The following TTYH1 variants were observed in gnomAD, a reference collection of about 807,000 sequenced individuals.
TTYH1 encodes protein tweety homolog 1.
A neutral mutation model predicts 61.2 loss-of-function variants in TTYH1; 33 were observed. The observed-to-expected ratio is 0.54, with a 90% CI of 0.41 to 0.72. The LOEUF is 0.72. Ranked by LOEUF, TTYH1 falls within the 30% of genes least tolerant of loss-of-function variation. The probability of loss-of-function intolerance (pLI) is 0.00; values close to 1 mark genes in which losing one functional copy is unlikely to be tolerated. For synonymous variants in TTYH1, 308 were observed against 266.4 expected, an observed-to-expected ratio of 1.16 and a Z score of -1.52; for missense variants, 538 against 575.8, an observed-to-expected ratio of 0.93 and a Z score of 0.67.
intron 4 of TTYH1, among the ~76,000 whole-genome samples, chr19:54,425,510 GCT>G (rs951316929): frequency 3.3e-5 from 5 of 152,124 alleles, no homozygotes; most frequent in Non-Finnish European, 7.4e-5. Flanking sequence ...ACTTTAGTGA[GCT>G]CTCTTTACTA....
intron 10 of TTYH1, 73 bp downstream of exon 10, chr19:54,431,264 T>C: frequency 9.7e-7 from 1 of 1,033,828 alleles, no homozygotes; most frequent in Non-Finnish European, 1.5e-6. Flanking sequence ...TACCTCCTCC[T>C]TCTCCTTGGA....
At chr19:54,435,494 A>G in intron 10 of TTYH1, 48 bp from the exon 11 acceptor site, 3 of 1,544,906 alleles carry the variant, frequency 1.9e-6, no homozygotes, top group Non-Finnish European at 2.6e-6. Flanking sequence ...GTGTGTGCCG[A>G]TGGGGGAGGG....
At chr19:54,432,955 A>G (rs1326030732) in intron 10 of TTYH1, 2 of 152,180 alleles carry the variant, frequency 1.3e-5, no homozygotes, top group East Asian at 3.9e-4. Context: ...CTGGCATTCC[A>G]AAAAGGGAGT....
At chr19:54,432,975 G>C (rs996319383) in intron 10 of TTYH1, 3 of 152,228 alleles carry the variant, frequency 2.0e-5, no homozygotes, top group Non-Finnish European at 4.4e-5. Flanking sequence ...TGGGGAGTAA[G>C]CACTGAAGCC....
In TTYH1 at chr19:54,435,660, G is replaced by C. The variant is rs200251030; in HGVS notation, c.1244G>C (p.Arg415Pro). Residue 415 changes from arginine (R) to proline (P), a missense_variant, in exon 11 of 14, where the codon CGA (arginine) becomes CCA (proline). Arg to Pro is a moderately radical substitution (Grantham distance 103). Coordinates refer to ENST00000376530, the MANE Select transcript of TTYH1 (RefSeq NM_020659.4). ...ALATALCSLP[R>P]AWALFPPSDD... Reference sequence around the variant, plus strand: ...GCCACTGCCCTCTGCAGCCTGCCCCGAGCCTGGGCCCTCTTCCCACCCAGG... The same window carrying C: ...GCCACTGCCCTCTGCAGCCTGCCCCCAGCCTGGGCCCTCTTCCCACCCAGG... 4 of 1,610,648 alleles carry C rather than the reference G, an allele frequency of 2.5e-6. No homozygotes were observed. In the Admixed American group the frequency reaches 6.7e-5, roughly 27 times the overall value.
At chr19:54,422,070 G>T in intron 3 of TTYH1, 120 bp from the exon 4 acceptor site, 1 of 763,382 alleles carries the variant, frequency 1.3e-6, no homozygotes, top group Non-Finnish European at 2.1e-6. Flanking sequence ...AGATGTCCCA[G>T]ACTCCAGATC....
intron 1 of TTYH1, among the ~76,000 whole-genome samples, chr19:54,417,080 C>A (rs1439369940): frequency 5.3e-5 from 8 of 152,130 alleles, no homozygotes; most frequent in Non-Finnish European, 1.0e-4. Flanking sequence ...CAGCCAGGGC[C>A]TCAGGGACAC....
chr19:54,436,219 C>A lies in TTYH1; in HGVS notation c.*42+48C>A. 6.2e-7 allele frequency: 1 copy of A among 1,606,688 alleles called. No homozygotes were observed. On this transcript the variant is annotated intron_variant, in intron 13 of 13. Transcript: ENST00000376530. The surrounding 1 kb of genome is among the most constrained non-coding windows in gnomAD (Gnocchi z 4.3). ...AGCTCCTGCAGCCGGGCCTCTGCCC[C>A]CCTCCCGCCCTCCGAGCTGCTCCAG...
chr19:54,422,459 G>T, intron 4 of TTYH1, 49 bp downstream of exon 4: 1 of 1,447,154 alleles, frequency 6.9e-7, no homozygotes, highest in Non-Finnish European at 9.2e-7. Context: ...CTCAGGCGGA[G>T]TCCCCGGGGG....
chr19:54,416,526 C>T lies in TTYH1; in HGVS notation c.126+848C>T, dbSNP rs2083081252. 6.4e-6 allele frequency: 2 copies of T among 311,630 alleles called. No homozygotes were observed. Among genetic ancestry groups the T allele is most frequent in the Non-Finnish European group, 1.3e-5 (2 of 159,810 alleles). The allele number at this position is 311,630 out of a possible 1,614,324, so 19.3% of individuals were successfully genotyped here. ...GGGACGGGTGGGGGTGCTGGGAGTC[C>T]CGATGTGGCCCCAGGACGGGTCCTG... On this transcript the variant is annotated intron_variant, in intron 1 of 13. Coordinates refer to ENST00000376530, the MANE Select transcript of TTYH1 (RefSeq NM_020659.4). This position sits in a 1 kb window ranked among gnomAD's most constrained non-coding sequence, Gnocchi z 7.0.
chr19:54,426,913 G>A (rs934554073), intron 5 of TTYH1, 145 bp downstream of exon 5: 4 of 686,218 alleles, frequency 5.8e-6, no homozygotes. Context: ...AGCAGCCCAG[G>A]AGGGAGGCGG....
At position 54,433,711 on chromosome 19, in the gene TTYH1, T is replaced by TAA. The variant is rs60617442; in HGVS notation, c.1126-1819_1126-1818dup. ...CAACATGGTGAAACCCCATCTCTATTAAAAAAAAAAAAATCAACAATAAGG... is the reference window on the plus strand; with the variant it reads ...CAACATGGTGAAACCCCATCTCTATTAAAAAAAAAAAAAAATCAACAATAAGG... On this transcript the variant is annotated intron_variant, in intron 10 of 13. Transcript: ENST00000376530. The TAA allele has an allele frequency of 5.6e-3, 812 of 145,486 alleles. 5 individuals carry two copies. The highest frequency in any genetic ancestry group is 0.017 in the African/African-American group (655 of 39,346). 9.0% of individuals were successfully genotyped at this position (145,486 alleles called of 1,614,324 possible).
chr19:54,417,785 C>T (rs2083119126), intron 1 of TTYH1, among the ~76,000 whole-genome samples: 1 of 151,978 alleles, frequency 6.6e-6, no homozygotes, highest in Admixed American at 6.6e-5. Context: ...TGCAGTCACG[C>T]ATCCACACAC....
At position 54,415,487 on chromosome 19, in the gene TTYH1, C is replaced by T; in HGVS notation, c.-66C>T. 7.7e-7 allele frequency: 1 copy of T among 1,293,006 alleles called. No individual in the cohort carries two copies. The highest frequency in any genetic ancestry group is 9.7e-7 in the Non-Finnish European group (1 of 1,026,090). The allele number at this position is 1,293,006 out of a possible 1,614,324, so 80.1% of individuals were successfully genotyped here. On this transcript the variant is annotated 5_prime_UTR_variant, in exon 1 of 14. Transcript: ENST00000376530. The surrounding 1 kb of genome is among the most constrained non-coding windows in gnomAD (Gnocchi z 5.2). ...CCAGCCAGACCCCGCGCCGCCCGCG[C>T]CCCGCTCGACTCCGGAGGCTCCCGC...
chr19:54,417,618 A>G (rs1330083044), intron 1 of TTYH1, among the ~76,000 whole-genome samples: 1 of 109,966 alleles, frequency 9.1e-6, no homozygotes, highest in Non-Finnish European at 1.9e-5. Flanking sequence ...ATACAAGCAC[A>G]CACTGCACTT....
rs568216174 is a variant in TTYH1, at chr19:54,419,116, C to T, written c.127-12C>T. The T allele has an allele frequency of 3.3e-4, 534 of 1,604,462 alleles. 6 individuals carry two copies. The South Asian group carries it at 5.6e-3, about 17-fold the overall frequency. On this transcript the variant is annotated splice_polypyrimidine_tract_variant and intron_variant, in intron 1 of 13. Transcript: ENST00000376530. This position sits in a 1 kb window ranked among gnomAD's most constrained non-coding sequence, Gnocchi z 6.1. ...GGTGCCCTCGGAGGTCTGATGTCACCCCCTTCCCCAGGCCTTGTTGCTGGT... is the reference window on the plus strand; with the variant it reads ...GGTGCCCTCGGAGGTCTGATGTCACTCCCTTCCCCAGGCCTTGTTGCTGGT...
rs1477483713 is a variant in TTYH1, at chr19:54,416,382, TC to T, written c.126+707del. On this transcript the variant is annotated intron_variant, in intron 1 of 13. Coordinates refer to ENST00000376530, the MANE Select transcript of TTYH1 (RefSeq NM_020659.4). The surrounding 1 kb of genome is among the most constrained non-coding windows in gnomAD (Gnocchi z 7.0). ...TGTGGGAACCTCACAGAAGCCGGTG[TC>T]CCTGGGGAAGGGGCCCGGCTCGGGG... 1.2e-5 allele frequency: 3 copies of T among 243,160 alleles called. No individual in the cohort carries two copies. Among genetic ancestry groups the T allele is most frequent in the African/African-American group, 6.9e-5 (3 of 43,264 alleles). 15.1% of individuals were successfully genotyped at this position (243,160 alleles called of 1,614,324 possible).
rs758639623 is a variant in TTYH1 at position 54,420,065 on chromosome 19, C to T, written c.305+759C>T. 2.6e-5 allele frequency among the ~76,000 whole-genome samples: 4 copies of T among 152,108 alleles called. No homozygotes were observed. Among genetic ancestry groups the T allele is most frequent in the Non-Finnish European group, 5.9e-5 (4 of 68,022 alleles). Reference sequence around the variant, plus strand: ...AGGCCACGTGGCTTAAGAGGCAGCACAGAGATTCAGACCCAGGTTAGTAGG... The same window carrying T: ...AGGCCACGTGGCTTAAGAGGCAGCATAGAGATTCAGACCCAGGTTAGTAGG... On this transcript the variant is annotated intron_variant, in intron 2 of 13. Coordinates refer to ENST00000376530, the MANE Select transcript of TTYH1 (RefSeq NM_020659.4). The surrounding 1 kb of genome is among the most constrained non-coding windows in gnomAD (Gnocchi z 4.8).
Position 54,429,680 on chromosome 19 carries a change from G to A in TTYH1, c.808-202G>A, listed in dbSNP as rs1003536197. ...TGGGGGCCTGGACTCCTGAGTCTGA[G>A]GGAGAAAGGGCTGGAGAGTCTGAAC... On this transcript the variant is annotated intron_variant, in intron 6 of 13. Coordinates refer to ENST00000376530, the MANE Select transcript of TTYH1 (RefSeq NM_020659.4). The surrounding 1 kb of genome is among the most constrained non-coding windows in gnomAD (Gnocchi z 5.1). Among the ~76,000 whole-genome samples, 1 of 151,738 alleles carries A rather than the reference G, an allele frequency of 6.6e-6. No homozygotes were observed. Among genetic ancestry groups the A allele is most frequent in the Non-Finnish European group, 1.5e-5 (1 of 67,914 alleles).
Sources: allele counts gnomAD v4.1 joint callset (sites outside exome capture counted in the v4.1 genomes callset), GRCh38; gene constraint gnomAD v4.1.1; non-coding constraint Gnocchi (gnomAD v3.1); transcripts MANE v1.5; gene names NCBI Gene and HGNC (gene_info 2026-07-23, HGNC 2026-07-21).